The following RNASEH2B variants were observed in gnomAD, a reference collection of about 807,000 sequenced individuals.
RNASEH2B encodes ribonuclease H2 subunit B, also known as Aicardi-Goutieres syndrome 2 protein.
A neutral mutation model predicts 45.0 loss-of-function variants in RNASEH2B; 36 were observed. The observed-to-expected ratio is 0.80, with a 90% CI of 0.61 to 1.06. The LOEUF (loss-of-function observed/expected upper bound fraction) is 1.06, where lower values mean the gene tolerates loss of function less well. Among genes scored for constraint, RNASEH2B ranks in the 50% least tolerant of loss-of-function variants. The probability of loss-of-function intolerance (pLI) is 0.00; values close to 1 mark genes in which losing one functional copy is unlikely to be tolerated. For missense variants in RNASEH2B, 361 were observed against 360.3 expected (o/e 1.00, Z -0.02); for synonymous variants, 119 against 125.7 (o/e 0.95, Z 0.35).
At chr13:50,944,239 A>G (rs1951869768) in intron 6 of RNASEH2B, among the ~76,000 whole-genome samples, 1 of 152,190 alleles carries the variant, frequency 6.6e-6, no homozygotes, top group Non-Finnish European at 1.5e-5. Context: ...GTACTTTCAC[A>G]TTGATTAAGA....
intron 2 of RNASEH2B, among the ~76,000 whole-genome samples, chr13:50,927,980 C>T (rs1361487238): frequency 4.6e-5 from 7 of 150,764 alleles, no homozygotes; most frequent in African/African-American, 9.7e-5. Context: ...TTTTTTTCTC[C>T]GTCAGGGGAC....
chr13:50,939,264 G>A (rs1377064539), intron 5 of RNASEH2B: 1 of 152,146 alleles, frequency 6.6e-6, no homozygotes, highest in Non-Finnish European at 1.5e-5. Flanking sequence ...GGCTGAAGCA[G>A]GAGAATGGCA....
At chr13:50,944,432 T>TCA (rs1158407609) in intron 6 of RNASEH2B, among the ~76,000 whole-genome samples, 3 of 151,738 alleles carry the variant, frequency 2.0e-5, no homozygotes, top group African/African-American at 7.3e-5. Flanking sequence ...GAGGGGAACA[T>TCA]CACACACCGG....
intron 5 of RNASEH2B, among the ~76,000 whole-genome samples, chr13:50,940,276 T>G (rs1951817567): frequency 6.6e-6 from 1 of 152,206 alleles, no homozygotes; most frequent in African/African-American, 2.4e-5. Context: ...ATTGACTACA[T>G]AAGGGTTCCA....
In RNASEH2B at chr13:50,927,393, C is replaced by T. The variant is rs779646425; in HGVS notation, c.65-14C>T. 51 of 1,479,526 alleles carry T rather than the reference C, an allele frequency of 3.4e-5. No individual in the cohort carries two copies. Among genetic ancestry groups the T allele is most frequent in the East Asian group, 9.1e-5 (4 of 44,100 alleles). The allele number at this position is 1,479,526 out of a possible 1,614,324, so 91.6% of individuals were successfully genotyped here. Reference sequence around the variant, plus strand: ...TGTGTGTTTTAATTTTAGATATTCACGGTTTATTTTCAGAATATTTAAAAG... The same window carrying T: ...TGTGTGTTTTAATTTTAGATATTCATGGTTTATTTTCAGAATATTTAAAAG... On this transcript the variant is annotated splice_polypyrimidine_tract_variant and intron_variant, in intron 1 of 10. Coordinates refer to ENST00000336617, the MANE Select transcript of RNASEH2B (RefSeq NM_024570.4).
chr13:50,962,408 CT>C (rs1164609135), intron 9 of RNASEH2B, among the ~76,000 whole-genome samples: 2 of 147,928 alleles, frequency 1.4e-5, no homozygotes, highest in Non-Finnish European at 3.0e-5. Context: ...TTCTAATTTT[CT>C]TTTTTTTTCT....
At chr13:50,930,820 C>A in intron 4 of RNASEH2B, 61 bp downstream of exon 4, 1 of 1,153,064 alleles carries the variant, frequency 8.7e-7, no homozygotes, top group Non-Finnish European at 1.3e-6. Context: ...TTTGTTTGAT[C>A]TCCTCTCTCT....
In RNASEH2B at chr13:50,970,108, A is replaced by G. The variant is rs1358565905; in HGVS notation, c.*144A>G. The G allele has an allele frequency of 5.2e-6, 4 of 766,676 alleles. No individual in the cohort carries two copies. In the East Asian group the frequency reaches 8.0e-5, roughly 15 times the overall value. 47.5% of individuals were successfully genotyped at this position (766,676 alleles called of 1,614,324 possible). On this transcript the variant is annotated 3_prime_UTR_variant, in exon 10 of 10. Coordinates refer to the RNASEH2B transcript ENST00000422660. Reference sequence around the variant, plus strand: ...TTAAAGCGCTGACTGTAAATGCTTTATTTCTTTGATTAGTACCACTAGTCT... The same window carrying G: ...TTAAAGCGCTGACTGTAAATGCTTTGTTTCTTTGATTAGTACCACTAGTCT...
chr13:50,969,357 C>T (rs146632865), intron 9 of RNASEH2B, among the ~76,000 whole-genome samples: 2 of 151,838 alleles, frequency 1.3e-5, no homozygotes, highest in African/African-American at 4.8e-5. Flanking sequence ...TTTAACTTTG[C>T]ACTCAATAAA....
At chr13:50,936,194 G>A (rs1380755601) in intron 5 of RNASEH2B, 2 of 152,214 alleles carry the variant, frequency 1.3e-5, no homozygotes, top group Non-Finnish European at 2.9e-5. Flanking sequence ...GGCAGTGTGT[G>A]TGAATGTGTT....
At chr13:50,929,985 T>C (rs1951655815) in intron 3 of RNASEH2B, 1 of 267,274 alleles carries the variant, frequency 3.7e-6, no homozygotes, top group Non-Finnish European at 7.3e-6. Context: ...TAACAAAGTT[T>C]CTTTAAAATG....
At chr13:50,943,887 C>T (rs990037607) in intron 6 of RNASEH2B, among the ~76,000 whole-genome samples, 2 of 152,126 alleles carry the variant, frequency 1.3e-5, no homozygotes, top group Non-Finnish European at 1.5e-5. Flanking sequence ...CTTAGTGATT[C>T]TAAGAATCTT....
At chr13:50,927,513 A>G in intron 2 of RNASEH2B, 35 bp downstream of exon 2, 1 of 1,320,716 alleles carries the variant, frequency 7.6e-7, no homozygotes. Flanking sequence ...ATGTTCTTAA[A>G]TGTTGTGGCT....
Position 50,909,964 on chromosome 13 carries a change from C to T in RNASEH2B, c.-113C>T, listed in dbSNP as rs1053270229. 2.3e-6 allele frequency: 2 copies of T among 875,088 alleles called. No individual in the cohort carries two copies. The highest frequency in any genetic ancestry group is 3.6e-5 in the African/African-American group (2 of 56,100). 54.2% of individuals were successfully genotyped at this position (875,088 alleles called of 1,614,324 possible). A position where few individuals can be genotyped will look rare whatever the true frequency, so the allele number is the denominator to read the frequency against. ...GGGCCTCCTCCCGGGCGCTGCCGGT[C>T]CCTCAGCGCGCCGCGCCACCCGGAA... is the stretch of plus-strand genomic sequence containing the variant. On this transcript the variant is annotated 5_prime_UTR_variant, in exon 1 of 11. Coordinates refer to ENST00000336617, the MANE Select transcript of RNASEH2B (RefSeq NM_024570.4).
At chr13:50,945,237 A>G (rs1002202465) in intron 6 of RNASEH2B, among the ~76,000 whole-genome samples, 190 bp from the exon 7 acceptor site, 1 of 152,140 alleles carries the variant, frequency 6.6e-6, no homozygotes, top group African/African-American at 2.4e-5. Flanking sequence ...TCATCCAGAT[A>G]TTGCTGCCAC....
intron 7 of RNASEH2B, 111 bp from the exon 8 acceptor site, chr13:50,947,876 T>C: frequency 6.4e-7 from 1 of 1,555,722 alleles, no homozygotes; most frequent in Non-Finnish European, 8.7e-7. Context: ...CTTAAGTGAG[T>C]TCCCTTTATC....
At chr13:50,935,330 C>T (rs546292853) in intron 5 of RNASEH2B, 55 of 345,430 alleles carry the variant, frequency 1.6e-4, no homozygotes, top group Admixed American at 4.7e-4. Flanking sequence ...TGTAAAATTA[C>T]GTAAAACCTG....
chr13:50,951,742 A>G (rs1951977884), intron 9 of RNASEH2B: 1 of 152,162 alleles, frequency 6.6e-6, no homozygotes, highest in Non-Finnish European at 1.5e-5. Context: ...TTAAATAACA[A>G]AAATTTTAGT....
At chr13:50,915,582 A>G (rs1879692260) in intron 1 of RNASEH2B, 2 of 397,864 alleles carry the variant, frequency 5.0e-6, no homozygotes, top group East Asian at 7.1e-5. Context: ...CAGGAGCTAG[A>G]GAGAGTCCAA....
Sources: gnomAD v4.1 joint callset for allele counts (sites outside exome capture counted in the v4.1 genomes callset) on GRCh38, gnomAD v4.1.1 for gene constraint, MANE v1.5 for transcripts, NCBI Gene and HGNC (gene_info 2026-07-23, HGNC 2026-07-21) for gene names.